Variants in SUFU observed in about 807,000 individuals in gnomAD.
The protein encoded by SUFU is suppressor of fused homolog.
A neutral mutation model predicts 58.9 loss-of-function variants in SUFU; 7 were observed. The ratio of observed to expected loss-of-function variants is 0.12; its 90% CI spans 0.07 to 0.22. The LOEUF (loss-of-function observed/expected upper bound fraction) is 0.22. Ranked by LOEUF, SUFU falls within the 10% of genes least tolerant of loss-of-function variation. The pLI is 1.00. For synonymous variants in SUFU, 232 were observed against 254.8 expected, an observed-to-expected ratio of 0.91 and a Z score of 0.85; for missense variants, 451 against 641.3, an observed-to-expected ratio of 0.70 and a Z score of 3.20.
intron 3 of SUFU, among the ~76,000 whole-genome samples, chr10:102,560,013 C>G (rs1350843021): frequency 6.6e-6 from 1 of 152,202 alleles, no homozygotes; most frequent in East Asian, 1.9e-4. Context: ...GTAGGGATCT[C>G]TCCCAGGCCA....
At chr10:102,516,058 CA>C (rs2062464616) in intron 2 of SUFU, among the ~76,000 whole-genome samples, 1 of 151,764 alleles carries the variant, frequency 6.6e-6, no homozygotes, top group African/African-American at 2.4e-5. Flanking sequence ...GTTCAGGCCC[CA>C]AATCTCTGAA....
At chr10:102,585,095 G>A (rs1384730031) in intron 3 of SUFU, among the ~76,000 whole-genome samples, 2 of 152,214 alleles carry the variant, frequency 1.3e-5, no homozygotes, top group East Asian at 1.9e-4. Flanking sequence ...CTTTGCCTGT[G>A]CCTCAAGATT....
At chr10:102,623,414 AG>A (rs2063759228) in intron 10 of SUFU, among the ~76,000 whole-genome samples, 1 of 152,210 alleles carries the variant, frequency 6.6e-6, no homozygotes, top group East Asian at 1.9e-4. Flanking sequence ...TGTGACTCTC[AG>A]GCTTCTAGCC....
chr10:102,533,735 T>C (rs756065087), intron 2 of SUFU, among the ~76,000 whole-genome samples: 27 of 152,218 alleles, frequency 1.8e-4, no homozygotes, highest in African/African-American at 9.6e-5. Context: ...ACCTGTCTCT[T>C]TCATTAAGGA....
At chr10:102,605,370 G>A (rs552367118) in intron 8 of SUFU, among the ~76,000 whole-genome samples, 205 of 152,282 alleles carry the variant, frequency 1.3e-3, no homozygotes, top group South Asian at 2.9e-3. Flanking sequence ...AGCCAGGTGT[G>A]GTGGCACATG....
intron 2 of SUFU, among the ~76,000 whole-genome samples, chr10:102,524,073 CAGTT>C (rs1381067508): frequency 6.6e-6 from 1 of 152,176 alleles, no homozygotes; most frequent in South Asian, 2.1e-4. Context: ...TAACTTCTCT[CAGTT>C]AGGCCTTCCC....
chr10:102,569,479 C>T (rs2063139584), intron 3 of SUFU, among the ~76,000 whole-genome samples: 1 of 152,184 alleles, frequency 6.6e-6, no homozygotes, highest in South Asian at 2.1e-4. Context: ...CCCTGCACTA[C>T]CTGAGTTCAC....
intron 3 of SUFU, among the ~76,000 whole-genome samples, chr10:102,585,141 A>G (rs2063323462): frequency 1.3e-5 from 2 of 152,188 alleles, no homozygotes; most frequent in Non-Finnish European, 2.9e-5. Flanking sequence ...TTTTTTAATA[A>G]CAGATTTATT....
Position 102,594,058 on chromosome 10 carries a change from A to G in SUFU, c.749A>G (p.His250Arg), listed in dbSNP as rs750808785. The change falls in exon 6 of 12, where the codon CAC becomes CGC. Residue 250 changes from histidine (H) to arginine (R), a missense_variant. Physicochemically the swap from His to Arg is conservative, Grantham distance 29 (BLOSUM62 0). Coordinates refer to ENST00000369902, the MANE Select transcript of SUFU (RefSeq NM_016169.4). ...RGETIFEIDP[H>R]LQERVDKGIE... ...GAGACCATATTTGAGATCGATCCAC[A>G]CCTGCAAGTATGTCTTGAGTGAGGA... 6.2e-7 allele frequency: 1 copy of G among 1,614,044 alleles called. No homozygotes were observed. The highest frequency in any genetic ancestry group is 8.5e-7 in the Non-Finnish European group (1 of 1,179,980).
intron 10 of SUFU, chr10:102,618,509 C>G (rs903010746): frequency 5.9e-5 from 9 of 152,840 alleles, no homozygotes; most frequent in Non-Finnish European, 7.3e-5. Flanking sequence ...ACCAACCACA[C>G]TCCCCAGACT....
rs2062724561 is a variant in SUFU, at chr10:102,535,330, C to T, written c.318-14640C>T. On this transcript the variant is annotated intron_variant, in intron 2 of 11. Coordinates refer to ENST00000369902, the MANE Select transcript of SUFU (RefSeq NM_016169.4). The stretch of plus-strand genomic sequence containing the variant: ...AGAAACCTCGTCTCTACTAAAAATA[C>T]AAAAAATGAGCCGGGCATGGTGGCA... Among the ~76,000 whole-genome samples the T allele has an allele frequency of 6.6e-5, 10 of 151,806 alleles. No individual in the cohort carries two copies. The South Asian group carries it at 1.7e-3, about 25-fold the overall frequency.
intron 2 of SUFU, among the ~76,000 whole-genome samples, chr10:102,518,957 C>T (rs543093552): frequency 6.7e-6 from 1 of 150,274 alleles, no homozygotes; most frequent in African/African-American, 2.4e-5. Context: ...GGCTAACACC[C>T]TGAAACCCCG....
Position 102,550,117 on chromosome 10 carries a change from A to AGG in SUFU, c.454+13_454+14dup, listed in dbSNP as rs780518303. 6.2e-6 allele frequency: 10 copies of AGG among 1,614,100 alleles called. No homozygotes were observed. The East Asian group carries it at 2.2e-4, about 36-fold the overall frequency. ...ACGTGTTCCAGTCAGGTAGGAGGCC[A>AGG]GGGCTGGCTGCTGTGCTGGTCCTTT... is the stretch of plus-strand genomic sequence containing the variant. On this transcript the variant is annotated intron_variant, in intron 3 of 11. Coordinates refer to ENST00000369902, the MANE Select transcript of SUFU (RefSeq NM_016169.4).
intron 3 of SUFU, among the ~76,000 whole-genome samples, chr10:102,557,059 C>T (rs891618232): frequency 2.0e-5 from 3 of 151,676 alleles, no homozygotes; most frequent in African/African-American, 7.3e-5. Context: ...CCAGTCTGAG[C>T]AATAGAGCGA....
intron 2 of SUFU, among the ~76,000 whole-genome samples, chr10:102,518,057 C>G (rs1268383761): frequency 2.0e-5 from 3 of 152,130 alleles, no homozygotes; most frequent in Non-Finnish European, 2.9e-5. Flanking sequence ...CTTTGAGGCT[C>G]TCTCCCCTCA....
intron 3 of SUFU, among the ~76,000 whole-genome samples, chr10:102,564,824 C>T (rs1173621070): frequency 6.6e-6 from 1 of 152,178 alleles, no homozygotes; most frequent in Non-Finnish European, 1.5e-5. Flanking sequence ...AATATTTTCA[C>T]TTTTATCAGT....
At chr10:102,547,853 G>A (rs2062870216) in intron 2 of SUFU, among the ~76,000 whole-genome samples, 1 of 152,024 alleles carries the variant, frequency 6.6e-6, no homozygotes, top group East Asian at 1.9e-4. Flanking sequence ...GAGAAAGAAA[G>A]AGAGAAAGAA....
In SUFU at chr10:102,512,720, G is replaced by A. The variant is rs1481112763; in HGVS notation, c.317+3417G>A. 2.6e-5 allele frequency among the ~76,000 whole-genome samples: 4 copies of A among 152,318 alleles called. No individual in the cohort carries two copies. The East Asian group carries it at 5.8e-4, about 22-fold the overall frequency. On this transcript the variant is annotated intron_variant, in intron 2 of 11. Coordinates refer to ENST00000369902, the MANE Select transcript of SUFU (RefSeq NM_016169.4). ...ATCCTGGCACTAGAAGAATGTGGAAGGAATGTTCTCAGATATTTACCCAGT... is the reference window on the plus strand; with the variant it reads ...ATCCTGGCACTAGAAGAATGTGGAAAGAATGTTCTCAGATATTTACCCAGT...
At chr10:102,513,766 CCTT>C (rs2062430525) in intron 2 of SUFU, among the ~76,000 whole-genome samples, 1 of 152,210 alleles carries the variant, frequency 6.6e-6, no homozygotes, top group Non-Finnish European at 1.5e-5. Context: ...ACTTGAAAAA[CCTT>C]CTAGCTCAGT....
Sources: gnomAD v4.1 joint callset for allele counts (sites outside exome capture counted in the v4.1 genomes callset) on GRCh38, gnomAD v4.1.1 for gene constraint, MANE v1.5 for transcripts, NCBI Gene and HGNC (gene_info 2026-07-23, HGNC 2026-07-21) for gene names.